UTP20: variants seen among roughly 807,000 people sequenced by gnomAD.
UTP20 encodes the protein small subunit processome component 20 homolog.
In UTP20, 164 loss-of-function variants were observed where a neutral mutation model predicts 329.5. The observed-to-expected ratio is 0.50, with a 90% confidence interval of 0.44 to 0.57. The LOEUF is 0.57. Among genes scored for constraint, UTP20 ranks in the 20% least tolerant of loss-of-function variants. The probability of loss-of-function intolerance (pLI) is 0.00; values close to 1 mark genes in which losing one functional copy is unlikely to be tolerated. For synonymous variants in UTP20, 1,151 were observed against 1,159.3 expected (o/e 0.99, Z 0.14); for missense variants, 3,055 against 3,284.2 (o/e 0.93, Z 1.71).
chr12:101,339,125 C>A (rs1869036373), intron 31 of UTP20, among the ~76,000 whole-genome samples, 168 bp downstream of exon 31: 1 of 152,026 alleles, frequency 6.6e-6, no homozygotes, highest in East Asian at 1.9e-4. Flanking sequence ...CCAGCCTGAC[C>A]AACATGGCAA....
intron 49 of UTP20, 65 bp downstream of exon 49, chr12:101,369,956 A>C (rs936545826): frequency 6.6e-7 from 1 of 1,509,784 alleles, no homozygotes; most frequent in Non-Finnish European, 9.0e-7. Flanking sequence ...GCTCGTACCT[A>C]TAATCCCAGC....
intron 4 of UTP20, 102 bp from the exon 5 acceptor site, chr12:101,286,219 T>C: frequency 9.3e-7 from 1 of 1,074,790 alleles, no homozygotes; most frequent in South Asian, 2.0e-5. Context: ...GAAGTATTTT[T>C]ATTTAATTAA....
intron 31 of UTP20, among the ~76,000 whole-genome samples, 171 bp from the exon 32 acceptor site, chr12:101,340,352 C>T (rs1464023990): frequency 6.6e-6 from 1 of 152,140 alleles, no homozygotes; most frequent in East Asian, 1.9e-4. Context: ...AGAGTGAGCA[C>T]AGCTAAGTAA....
At position 101,299,743 on chromosome 12, in the gene UTP20, G is replaced by C; in HGVS notation, c.1492G>C (p.Asp498His). 1 of 1,612,726 alleles carries C rather than the reference G, an allele frequency of 6.2e-7. No individual in the cohort carries two copies. Among genetic ancestry groups the C allele is most frequent in the Non-Finnish European group, 8.5e-7 (1 of 1,179,564 alleles). Residue 498 changes from aspartate (D) to histidine (H), a missense_variant, in exon 13 of 62, where the codon GAC (aspartate) becomes CAC (histidine). Transcript: ENST00000261637. ...KGRNEQFPVLDHLLSIIKLPP... is the reference protein window; with the variant it reads ...KGRNEQFPVLHHLLSIIKLPP... ...AAGAAACGAACAGTTTCCAGTATTG[G>C]ACCATCTTTTATCTATAATTAAGTT...
chr12:101,346,696 T>C, intron 38 of UTP20, 108 bp downstream of exon 38: 1 of 1,151,354 alleles, frequency 8.7e-7, no homozygotes, highest in Non-Finnish European at 1.2e-6. Flanking sequence ...TCACCATAAT[T>C]AGAGGTTTAG....
At chr12:101,281,364 T>C (rs928222047) in intron 2 of UTP20, among the ~76,000 whole-genome samples, 168 bp downstream of exon 2, 1 of 152,212 alleles carries the variant, frequency 6.6e-6, no homozygotes, top group Non-Finnish European at 1.5e-5. Context: ...TTAAAGTAAA[T>C]TAAAAATTTG....
At position 101,373,401 on chromosome 12, in the gene UTP20, T is replaced by C. The variant is rs1451227175; in HGVS notation, c.6879T>C (p.Asn2293=). The C allele has an allele frequency of 6.2e-7, 1 of 1,613,898 alleles. No individual in the cohort carries two copies. The highest frequency in any genetic ancestry group is 1.1e-5 in the South Asian group (1 of 91,076). ...AATCCACCTAATGTCCTTCCCCTAGTTACGAACATGAGACCGGGAGAGAGT... is the reference window on the plus strand; with the variant it reads ...AATCCACCTAATGTCCTTCCCCTAGCTACGAACATGAGACCGGGAGAGAGT... ...PNLEFMLAQL[N]YEHETGREST... is the part of the protein sequence containing the mutation. Residue 2293 remains asparagine, a splice_region_variant and synonymous_variant, in exon 53 of 62, where the codon AAT becomes AAC. Transcript: ENST00000261637.
chr12:101,291,785 G>A lies in UTP20; in HGVS notation c.935G>A (p.Cys312Tyr). ...CACACAAAAGTAACAAAAACTAACT[G>A]TTGTGAAAGTTCTGAACAGATTAAA... Reference protein sequence around the residue: ...DLHTKVTKTNCCESSEQIKRL... With the variant: ...DLHTKVTKTNYCESSEQIKRL... Residue 312 changes from cysteine to tyrosine, a missense_variant, in exon 9 of 62, where the codon TGT becomes TAT. Coordinates refer to ENST00000261637, the MANE Select transcript of UTP20 (RefSeq NM_014503.3). 1.2e-6 allele frequency: 2 copies of A among 1,606,404 alleles called. No homozygotes were observed. Among genetic ancestry groups the A allele is most frequent in the Non-Finnish European group, 1.7e-6 (2 of 1,177,504 alleles).
At chr12:101,285,657 AT>A (rs1223602363) in intron 3 of UTP20, 21 bp downstream of exon 3, 5 of 1,613,746 alleles carry the variant, frequency 3.1e-6, no homozygotes, top group Non-Finnish European at 4.2e-6. Flanking sequence ...TTTCGTTTCT[AT>A]TTTATTCACC....
intron 15 of UTP20, 142 bp from the exon 16 acceptor site, chr12:101,305,773 G>A (rs1872629259): frequency 1.1e-6 from 1 of 929,610 alleles, no homozygotes; most frequent in Non-Finnish European, 1.5e-6. Flanking sequence ...CATCTATGAA[G>A]TGAGCCAGAT....
chr12:101,371,043 C>A lies in UTP20; in HGVS notation c.6688-15C>A. 1 of 1,611,746 alleles carries A rather than the reference C, an allele frequency of 6.2e-7. No homozygotes were observed. Among genetic ancestry groups the A allele is most frequent in the Non-Finnish European group, 8.5e-7 (1 of 1,178,448 alleles). The stretch of plus-strand genomic sequence containing the variant: ...AACACATGAAATGAGTATGTCTTTT[C>A]CTTTTGTATCTTAGGCAATTTTATC... On this transcript the variant is annotated splice_polypyrimidine_tract_variant and intron_variant, in intron 50 of 61. Coordinates refer to ENST00000261637, the MANE Select transcript of UTP20 (RefSeq NM_014503.3).
At chr12:101,334,213 C>G (rs750966059) in intron 28 of UTP20, among the ~76,000 whole-genome samples, 21 of 152,196 alleles carry the variant, frequency 1.4e-4, no homozygotes, top group Non-Finnish European at 2.6e-4. Flanking sequence ...TTTCTGGTGT[C>G]TAGCACTTCC....
chr12:101,336,136 CT>C (rs1176435294), intron 29 of UTP20, among the ~76,000 whole-genome samples: 2 of 152,052 alleles, frequency 1.3e-5, no homozygotes, highest in Non-Finnish European at 2.9e-5. Context: ...GCAGCAGAAC[CT>C]TTTTTTCCCT....
intron 47 of UTP20, 24 bp downstream of exon 47, chr12:101,366,723 A>G: frequency 1.9e-6 from 3 of 1,604,896 alleles, no homozygotes; most frequent in Non-Finnish European, 2.6e-6. Context: ...TTAAAATGAG[A>G]CTTGCTACTT....
intron 5 of UTP20, among the ~76,000 whole-genome samples, chr12:101,287,036 TTAAAG>T (rs1435340110): frequency 1.3e-5 from 2 of 152,188 alleles, no homozygotes; most frequent in Non-Finnish European, 2.9e-5. Flanking sequence ...AACCTTTTGT[TTAAAG>T]TAAGCATAAA....
intron 19 of UTP20, among the ~76,000 whole-genome samples, chr12:101,311,433 C>T (rs928352054): frequency 6.6e-6 from 1 of 152,118 alleles, no homozygotes; most frequent in Non-Finnish European, 1.5e-5. Flanking sequence ...TATTCATGCC[C>T]CATGCCCCAG....
Position 101,365,072 on chromosome 12 carries a change from T to G in UTP20, c.5959-387T>G, listed in dbSNP as rs111313018. Among the ~76,000 whole-genome samples, 1,178 of 142,032 alleles carry G rather than the reference T, an allele frequency of 8.3e-3. 16 individuals are homozygous for G. The highest frequency in any genetic ancestry group is 0.079 in the East Asian group (369 of 4,662). The allele number at this position is 142,032 out of a possible 152,430, so 93.2% of individuals were successfully genotyped here. The stretch of plus-strand genomic sequence containing the variant: ...ATGAGGAGTGAATACATTTTGTTGA[T>G]TGTGTGTGTGTGTGTGTGTGTGTGT... On this transcript the variant is annotated intron_variant, in intron 45 of 61. Transcript: ENST00000261637.
At chr12:101,311,643 C>G (rs1872792496) in intron 19 of UTP20, 76 bp from the exon 20 acceptor site, 2 of 1,019,576 alleles carry the variant, frequency 2.0e-6, no homozygotes, top group Middle Eastern at 4.7e-4. Context: ...TCCTTTCACT[C>G]TTTTTTTTTT....
intron 37 of UTP20, among the ~76,000 whole-genome samples, 162 bp from the exon 38 acceptor site, chr12:101,346,289 G>A (rs573967016): frequency 6.6e-6 from 1 of 152,274 alleles, no homozygotes; most frequent in East Asian, 1.9e-4. Context: ...GACCTCAGGT[G>A]ATCTGCCCAT....
Sources: allele counts gnomAD v4.1 joint callset (sites outside exome capture counted in the v4.1 genomes callset), GRCh38; gene constraint gnomAD v4.1.1; transcripts MANE v1.5; gene names NCBI Gene and HGNC (gene_info 2026-07-23, HGNC 2026-07-21).